Variants in ZNF37A observed in about 807,000 individuals in gnomAD.
The protein encoded by ZNF37A is zinc finger protein 37A.
Under a neutral mutation model 12.3 loss-of-function variants are expected in ZNF37A, and 10 were observed. That is an observed-to-expected ratio of 0.82 (90% CI 0.50 to 1.38). The LOEUF is 1.38. Among genes scored for constraint, ZNF37A ranks in the 40% most tolerant of loss-of-function variants. The probability of loss-of-function intolerance (pLI) is 0.00; values close to 1 mark genes in which losing one functional copy is unlikely to be tolerated. For missense variants in ZNF37A, 580 were observed against 651.2 expected (o/e 0.89, Z 1.19); for synonymous variants, 207 against 223.0 (o/e 0.93, Z 0.64).
intron 7 of ZNF37A, among the ~76,000 whole-genome samples, chr10:38,144,698 C>T (rs1214279005): frequency 2.0e-5 from 3 of 152,102 alleles, no homozygotes; most frequent in Admixed American, 2.0e-4. Flanking sequence ...TTCTGCACAT[C>T]AATTACCTAT....
intron 5 of ZNF37A, among the ~76,000 whole-genome samples, chr10:38,097,012 G>C (rs2067204029): frequency 1.3e-5 from 2 of 152,310 alleles, no homozygotes; most frequent in South Asian, 4.1e-4. Flanking sequence ...AATATTTACT[G>C]TGAGACCCTT....
chr10:38,105,156 C>G (rs925832597), intron 5 of ZNF37A, among the ~76,000 whole-genome samples: 2 of 152,072 alleles, frequency 1.3e-5, no homozygotes, highest in Non-Finnish European at 1.5e-5. Flanking sequence ...CAGACATGTG[C>G]CACCATGCCT....
Position 38,118,873 on chromosome 10 carries a change from G to A in ZNF37A, c.*36G>A. 6.6e-7 allele frequency: 1 copy of A among 1,523,966 alleles called. No homozygotes were observed. Among genetic ancestry groups the A allele is most frequent in the South Asian group, 1.3e-5 (1 of 74,334 alleles). 94.4% of individuals were successfully genotyped at this position (1,523,966 alleles called of 1,614,324 possible). On this transcript the variant is annotated 3_prime_UTR_variant, in exon 8 of 8. Coordinates refer to ENST00000685332, the MANE Select transcript of ZNF37A (RefSeq NM_001324250.3). ...TTGTAGAACACAGAACATAAAGGGT[G>A]AGAGAAATCTGTTAATATAATGATA... is the stretch of plus-strand genomic sequence containing the variant.
chr10:38,109,418 TG>T (rs1194348648), intron 5 of ZNF37A, among the ~76,000 whole-genome samples: 3 of 152,146 alleles, frequency 2.0e-5, no homozygotes, highest in African/African-American at 7.2e-5. Flanking sequence ...GCATTCCCGT[TG>T]AAAACCAGCA....
intron 5 of ZNF37A, among the ~76,000 whole-genome samples, chr10:38,097,754 A>G (rs888701174): frequency 1.3e-5 from 2 of 152,086 alleles, no homozygotes; most frequent in African/African-American, 4.8e-5. Context: ...ATTTGCAATA[A>G]CTTTCAAGAG....
Position 38,136,406 on chromosome 10 carries a change from G to A in ZNF37A, c.239-10326G>A, listed in dbSNP as rs745702125. Among the ~76,000 whole-genome samples, 63 of 152,006 alleles carry A rather than the reference G, an allele frequency of 4.1e-4. 1 individual carries two copies. The highest frequency in any genetic ancestry group is 3.2e-3 in the Middle Eastern group (1 of 314). ...TGACTTCAGGCGATCCACCCACCTC[G>A]GCCTCCCAAAGTGCTGGGATTACAG... On this transcript the variant is annotated intron_variant, in intron 7 of 7. Coordinates refer to the ZNF37A transcript ENST00000638053.
At chr10:38,145,370 A>G (rs1001049868) in intron 7 of ZNF37A, among the ~76,000 whole-genome samples, 9 of 152,174 alleles carry the variant, frequency 5.9e-5, no homozygotes, top group African/African-American at 2.2e-4. Flanking sequence ...AGCTCACTGT[A>G]CCTACTAAGA....
At chr10:38,117,131 C>CCAA (rs1328627680) in intron 7 of ZNF37A, 209 of 959,566 alleles carry the variant, frequency 2.2e-4, no homozygotes, top group South Asian at 2.4e-4. Flanking sequence ...ACCACCACCA[C>CCAA]CAACAACAAC....
exon 8 of ZNF37A, chr10:38,148,398 C>T (rs183133796): frequency 6.6e-6 from 1 of 152,362 alleles, no homozygotes; most frequent in East Asian, 1.9e-4. Flanking sequence ...TTCATGGGAA[C>T]AGAGCCAAAT....
intron 7 of ZNF37A, among the ~76,000 whole-genome samples, chr10:38,146,230 TAAC>T (rs899374403): frequency 9.2e-5 from 14 of 152,310 alleles, no homozygotes; most frequent in African/African-American, 3.1e-4. Context: ...CCCTGCGACT[TAAC>T]AACATTTCCA....
chr10:38,143,633 C>A (rs2070215628), intron 7 of ZNF37A: 1 of 152,186 alleles, frequency 6.6e-6, no homozygotes, highest in Non-Finnish European at 1.5e-5. Context: ...TGTGAATGAG[C>A]ATTTATGAAC....
chr10:38,136,173 ACT>A (rs2136079939), intron 7 of ZNF37A, among the ~76,000 whole-genome samples: 1 of 151,888 alleles, frequency 6.6e-6, no homozygotes, highest in South Asian at 2.1e-4. Flanking sequence ...ATGGAGTTTC[ACT>A]CTTTGTCACC....
chr10:38,099,903 T>A (rs1336523730), intron 5 of ZNF37A, among the ~76,000 whole-genome samples: 1 of 152,238 alleles, frequency 6.6e-6, no homozygotes, highest in Non-Finnish European at 1.5e-5. Flanking sequence ...ATAAGCTTGT[T>A]GACCATTTAT....
chr10:38,145,293 T>C (rs1452684189), intron 7 of ZNF37A, among the ~76,000 whole-genome samples: 1 of 152,224 alleles, frequency 6.6e-6, no homozygotes, highest in Admixed American at 6.5e-5. Flanking sequence ...GTGACTATTA[T>C]AATAAAATCA....
rs2069104372 is a variant in ZNF37A at position 38,114,781 on chromosome 10, T to C, written c.42T>C (p.Thr14=). 1.2e-6 allele frequency: 2 copies of C among 1,614,054 alleles called. No individual in the cohort carries two copies. The highest frequency in any genetic ancestry group is 3.3e-4 in the Middle Eastern group (2 of 6,060). Residue 14 remains threonine, a synonymous_variant, in exon 6 of 8, where the codon ACT becomes ACC. Transcript: ENST00000685332. ...GATCAGTGTCGTTTAGGGATGTGAC[T>C]GTGGGCTTCACTCAAGAGGAGTGGC... The part of the protein sequence containing the change: ...SQGSVSFRDV[T]VGFTQEEWQH...
In ZNF37A at chr10:38,117,678, A is replaced by G. The variant is rs756874469; in HGVS notation, c.527A>G (p.Tyr176Cys). ...TACACAGGACAGAAAACCTGCAAAT[A>G]TACTGAACATGGGAAAACCTGTGAT... ...RGYTGQKTCK[Y>C]TEHGKTCDMS... is the part of the protein sequence containing the mutation. Residue 176 changes from tyrosine to cysteine, a missense_variant, in exon 8 of 8, where the codon TAT becomes TGT. Physicochemically the swap from Tyr to Cys is radical, Grantham distance 194. Coordinates refer to ENST00000685332, the MANE Select transcript of ZNF37A (RefSeq NM_001324250.3). The G allele has an allele frequency of 1.9e-6, 3 of 1,613,832 alleles. No individual in the cohort carries two copies. The highest frequency in any genetic ancestry group is 2.5e-6 in the Non-Finnish European group (3 of 1,179,978).
intron 5 of ZNF37A, among the ~76,000 whole-genome samples, chr10:38,110,463 A>G (rs1316410403): frequency 1.3e-5 from 2 of 152,242 alleles, no homozygotes; most frequent in Non-Finnish European, 2.9e-5. Context: ...AACAATGGCA[A>G]CAAATGCCAA....
rs71007695 is a variant in ZNF37A at position 38,097,583 on chromosome 10, C to CAAAAAAAAAAAAAAAA, written c.15+967_15+982dup. On this transcript the variant is annotated intron_variant, in intron 5 of 7. Transcript: ENST00000685332. ...TGGGTGACAGAGTGAGACTCTGTCT[C>CAAAAAAAAAAAAAAAA]AAAAAAAAAAAAAAAAAAAAAAAAA... Among the ~76,000 whole-genome samples the CAAAAAAAAAAAAAAAA allele has an allele frequency of 1.0e-3, 65 of 61,940 alleles. 3 individuals are homozygous for CAAAAAAAAAAAAAAAA. Among genetic ancestry groups the CAAAAAAAAAAAAAAAA allele is most frequent in the African/African-American group, 1.2e-3 (26 of 21,442 alleles). 40.6% of individuals were successfully genotyped at this position (61,940 alleles called of 152,430 possible). A position where few individuals can be genotyped will look rare whatever the true frequency, so the allele number is the denominator to read the frequency against.
intron 5 of ZNF37A, among the ~76,000 whole-genome samples, chr10:38,104,255 A>C (rs2505198): frequency 0.44 from 66,857 of 151,914 alleles, 14,955 homozygotes; most frequent in East Asian, 0.55. Flanking sequence ...AGTTTCAAGG[A>C]AGGCAAAACA....
Sources: gnomAD v4.1 joint callset for allele counts (sites outside exome capture counted in the v4.1 genomes callset) on GRCh38, gnomAD v4.1.1 for gene constraint, MANE v1.5 for transcripts, NCBI Gene and HGNC (gene_info 2026-07-23, HGNC 2026-07-21) for gene names.